The following VPS51 variants were observed in gnomAD, a reference collection of about 807,000 sequenced individuals.
VPS51 encodes vacuolar protein sorting-associated protein 51 homolog.
In VPS51, 55 loss-of-function variants were observed where a neutral mutation model predicts 65.1. The observed-to-expected ratio is 0.84, with a 90% CI of 0.68 to 1.06. The LOEUF is 1.06. Among genes scored for constraint, VPS51 ranks in the 50% least tolerant of loss-of-function variants. The pLI is 0.00. For missense variants in VPS51, 943 were observed against 1,101.6 expected, an observed-to-expected ratio of 0.86 and a Z score of 2.04; for synonymous variants, 473 against 489.5, an observed-to-expected ratio of 0.97 and a Z score of 0.44.
Position 65,097,029 on chromosome 11 carries a change from T to A in VPS51, c.260T>A (p.Met87Lys). ...LRRECPLAQL[M>K]DSETDMVRQI... ...AGAGAGTGCCCTCTGGCCCAGTTGA[T>A]GGACAGTGAGACGGACATGGTGCGG... The change falls in exon 2 of 10, where the codon ATG (methionine) becomes AAG (lysine). Residue 87 changes from methionine to lysine, a missense_variant. Transcript: ENST00000279281. 6.2e-7 allele frequency: 1 copy of A among 1,613,900 alleles called. No homozygotes were observed. Among genetic ancestry groups the A allele is most frequent in the Non-Finnish European group, 8.5e-7 (1 of 1,180,004 alleles).
At position 65,108,550 on chromosome 11, in the gene VPS51, A is replaced by G. The variant is rs1463996372; in HGVS notation, c.1079A>G (p.Gln360Arg). 2.5e-6 allele frequency: 4 copies of G among 1,571,354 alleles called. No individual in the cohort carries two copies. The highest frequency in any genetic ancestry group is 2.3e-5 in the South Asian group (2 of 87,868). ...ALVERRLAQE[Q>R]GGGDNSLLVR... ...GTGGAGCGGCGGCTGGCGCAGGAGC[A>G]GGGTGGTGGTGACAACTCACTGCTG... The change falls in exon 5 of 10, where the codon CAG becomes CGG. Residue 360 changes from glutamine to arginine, a missense_variant. Transcript: ENST00000279281.
Position 65,096,491 on chromosome 11 carries a change from G to T in VPS51, c.228+13G>T. On this transcript the variant is annotated intron_variant, in intron 1 of 9. Coordinates refer to ENST00000279281, the MANE Select transcript of VPS51 (RefSeq NM_013265.4). The stretch of plus-strand genomic sequence containing the variant: ...TTACCTAGACAAGGTGTGTGCGCAC[G>T]GGGAGTGGGGGGGTGCGGGGAGGGG... 1 of 1,420,870 alleles carries T rather than the reference G, an allele frequency of 7.0e-7. No individual in the cohort carries two copies. The highest frequency in any genetic ancestry group is 9.3e-7 in the Non-Finnish European group (1 of 1,074,208). 88.0% of individuals were successfully genotyped at this position (1,420,870 alleles called of 1,614,324 possible).
At position 65,108,699 on chromosome 11, in the gene VPS51, C is replaced by A. The variant is rs1315028908; in HGVS notation, c.1228C>A (p.His410Asn). Reference sequence around the variant, plus strand: ...AGTGGCCCGCGAGCGCCTGGGCCACCACCTGCAGGGTCTCCGGGCGGCCTT... The same window carrying A: ...AGTGGCCCGCGAGCGCCTGGGCCACAACCTGCAGGGTCTCCGGGCGGCCTT... Reference protein sequence around the residue: ...ERVARERLGHHLQGLRAAFLG... With the variant: ...ERVARERLGHNLQGLRAAFLG... The change falls in exon 5 of 10, where the codon CAC becomes AAC. Residue 410 changes from histidine to asparagine, a missense_variant. Transcript: ENST00000279281. 2.5e-6 allele frequency: 4 copies of A among 1,602,172 alleles called. No homozygotes were observed. The highest frequency in any genetic ancestry group is 3.4e-6 in the Non-Finnish European group (4 of 1,177,158).
In VPS51 at chr11:65,107,984, C is replaced by T. The variant is rs1389369529; in HGVS notation, c.687C>T (p.Ile229=). Residue 229 remains isoleucine (I), a synonymous_variant, in exon 4 of 10, where the codon ATC becomes ATT. Coordinates refer to ENST00000279281, the MANE Select transcript of VPS51 (RefSeq NM_013265.4). The surrounding 1 kb of genome is among the most constrained non-coding windows in gnomAD (Gnocchi z 4.0). ...FRAIQDDCQV[I]TARLAQQLRQ... The stretch of plus-strand genomic sequence containing the variant: ...CCATCCAGGACGACTGCCAGGTCAT[C>T]ACGGCCCGCCTGGCCCAGCAGCTGC... The T allele has an allele frequency of 6.4e-7, 1 of 1,557,322 alleles. No individual in the cohort carries two copies.
Position 65,107,612 on chromosome 11 carries a change from G to C in VPS51, c.390G>C (p.Arg130=), listed in dbSNP as rs1168099176. ...DTIRKMKNDF[R]KMEDEMDRLA... ...TCCGGAAGATGAAGAACGATTTCCG[G>C]AAGATGGAGGATGAGATGGACCGGC... The change falls in exon 3 of 10, where the codon CGG becomes CGC. Residue 130 remains arginine, a synonymous_variant. Coordinates refer to ENST00000279281, the MANE Select transcript of VPS51 (RefSeq NM_013265.4). The surrounding 1 kb of genome is among the most constrained non-coding windows in gnomAD (Gnocchi z 4.0). 6.3e-7 allele frequency: 1 copy of C among 1,599,740 alleles called. No homozygotes were observed. The highest frequency in any genetic ancestry group is 8.6e-7 in the Non-Finnish European group (1 of 1,168,374).
chr11:65,102,480 T>C (rs1035716275), intron 2 of VPS51, among the ~76,000 whole-genome samples: 2 of 152,222 alleles, frequency 1.3e-5, no homozygotes, highest in African/African-American at 4.8e-5. Context: ...TTGGGTTTTC[T>C]TTTACTCTAT....
At chr11:65,109,948 G>C (rs772159072) in intron 7 of VPS51, 25 bp downstream of exon 7, 1 of 1,565,912 alleles carries the variant, frequency 6.4e-7, no homozygotes, top group Non-Finnish European at 8.6e-7. Context: ...GGCCGGGGTA[G>C]CCCTGACGCA....
intron 2 of VPS51, among the ~76,000 whole-genome samples, chr11:65,104,307 G>A (rs923937303): frequency 1.3e-5 from 2 of 152,050 alleles, no homozygotes; most frequent in Admixed American, 6.6e-5. Context: ...AATACATCTC[G>A]TGACTCTAGC....
chr11:65,109,498 G>A lies in VPS51; in HGVS notation c.1659+3G>A. On this transcript the variant is annotated splice_donor_region_variant and intron_variant, in intron 6 of 9. Transcript: ENST00000279281. ...CTGATGAACAGTTTCTGGTGCAGGT[G>A]AAGCACTAGCTCCTAGCCGGGCAGG... is the stretch of plus-strand genomic sequence containing the variant. 1 of 1,604,888 alleles carries A rather than the reference G, an allele frequency of 6.2e-7. No individual in the cohort carries two copies. Among genetic ancestry groups the A allele is most frequent in the Non-Finnish European group, 8.5e-7 (1 of 1,179,904 alleles).
At chr11:65,106,591 A>T (rs1033225490) in intron 2 of VPS51, among the ~76,000 whole-genome samples, 3 of 152,070 alleles carry the variant, frequency 2.0e-5, no homozygotes, top group Non-Finnish European at 2.9e-5. Flanking sequence ...CTCTACTAAA[A>T]ATACAAAAAA....
At position 65,109,409 on chromosome 11, in the gene VPS51, C is replaced by T. The variant is rs745820576; in HGVS notation, c.1573C>T (p.Leu525=). Residue 525 remains leucine, a synonymous_variant, in exon 6 of 10, where the codon CTG becomes TTG. Transcript: ENST00000279281. The part of the protein sequence containing the change: ...KGGATPPALL[L]LLSRLCLDYE... The stretch of plus-strand genomic sequence containing the variant: ...GGGTGCCACACCACCTGCCCTGCTC[C>T]TGCTGCTCTCCCGCCTCTGCCTGGA... The T allele has an allele frequency of 6.2e-7, 1 of 1,611,262 alleles. No homozygotes were observed. The highest frequency in any genetic ancestry group is 8.5e-7 in the Non-Finnish European group (1 of 1,180,006).
Position 65,109,489 on chromosome 11 carries a change from G to C in VPS51, c.1653G>C (p.Leu551=). ...YILTLTDEQF[L]VQDQFPVTPV... is the part of the protein sequence containing the mutation. ...TCACTCTCACTGATGAACAGTTTCT[G>C]GTGCAGGTGAAGCACTAGCTCCTAG... The change falls in exon 6 of 10, where the codon CTG becomes CTC. Residue 551 remains leucine, a synonymous_variant. Transcript: ENST00000279281. 14 of 1,605,714 alleles carry C rather than the reference G, an allele frequency of 8.7e-6. No homozygotes were observed. The highest frequency in any genetic ancestry group is 1.2e-5 in the Non-Finnish European group (14 of 1,179,986).
Position 65,107,472 on chromosome 11 carries a change from C to A in VPS51, c.359-109C>A. On this transcript the variant is annotated intron_variant, in intron 2 of 9. Coordinates refer to ENST00000279281, the MANE Select transcript of VPS51 (RefSeq NM_013265.4). This position sits in a 1 kb window ranked among gnomAD's most constrained non-coding sequence, Gnocchi z 4.0. Reference sequence around the variant, plus strand: ...TCCTTTCTCTGGAATCATCCATGCGCCCCTGGAGCAAGCTGGGGCGTCTGT... The same window carrying A: ...TCCTTTCTCTGGAATCATCCATGCGACCCTGGAGCAAGCTGGGGCGTCTGT... 7.2e-7 allele frequency: 1 copy of A among 1,393,460 alleles called. No individual in the cohort carries two copies. The highest frequency in any genetic ancestry group is 1.4e-5 in the African/African-American group (1 of 69,266). 86.3% of individuals were successfully genotyped at this position (1,393,460 alleles called of 1,614,324 possible). A position where few individuals can be genotyped will look rare whatever the true frequency, so the allele number is the denominator to read the frequency against.
Position 65,096,239 on chromosome 11 carries a change from G to A in VPS51, c.-12G>A. On this transcript the variant is annotated 5_prime_UTR_variant, in exon 1 of 10. Coordinates refer to ENST00000279281, the MANE Select transcript of VPS51 (RefSeq NM_013265.4). ...CTTTCCAGCCTCACGCCCGTGGGCT[G>A]CAGTTGGAACGATGGCGGCGGCAGC... 6.5e-7 allele frequency: 1 copy of A among 1,528,350 alleles called. No homozygotes were observed. The highest frequency in any genetic ancestry group is 8.8e-7 in the Non-Finnish European group (1 of 1,140,538). The allele number at this position is 1,528,350 out of a possible 1,614,324, so 94.7% of individuals were successfully genotyped here.
chr11:65,110,395 G>GTAGC, intron 7 of VPS51, 87 bp from the exon 8 acceptor site: 1 of 1,601,104 alleles, frequency 6.2e-7, no homozygotes, highest in Non-Finnish European at 8.5e-7. Context: ...TGATGCTTGA[G>GTAGC]TAGCTGACTT....
chr11:65,109,571 C>A, intron 6 of VPS51, 76 bp downstream of exon 6: 1 of 1,554,742 alleles, frequency 6.4e-7, no homozygotes. Context: ...CCCTCATGGC[C>A]AGACCCCAGA....
Position 65,108,766 on chromosome 11 carries a change from C to T in VPS51, c.1295C>T (p.Pro432Leu). 7 of 1,612,432 alleles carry T rather than the reference C, an allele frequency of 4.3e-6. No individual in the cohort carries two copies. The highest frequency in any genetic ancestry group is 5.1e-6 in the Non-Finnish European group (6 of 1,179,906). The change falls in exon 5 of 10, where the codon CCT becomes CTT. Residue 432 changes from proline (P) to leucine (L), a missense_variant. By Grantham distance (98) the Pro-to-Leu change is moderately conservative. This residue lies in a region of VPS51 where 855 missense variants were observed against 953.7 expected (regional missense o/e 0.90). Coordinates refer to ENST00000279281, the MANE Select transcript of VPS51 (RefSeq NM_013265.4). The part of the protein sequence containing the change: ...LTDVRQALAA[P>L]RVAGKEGPGL... ...GACGTCCGCCAGGCGCTGGCAGCAC[C>T]TCGCGTGGCTGGGAAGGAGGGCCCT...
At position 65,108,383 on chromosome 11, in the gene VPS51, C is replaced by T. The variant is rs765742310; in HGVS notation, c.912C>T (p.Thr304=). 1.9e-6 allele frequency: 3 copies of T among 1,612,340 alleles called. No homozygotes were observed. The highest frequency in any genetic ancestry group is 1.3e-5 in the African/African-American group (1 of 75,040). The change falls in exon 5 of 10, where the codon ACC becomes ACT. Residue 304 remains threonine (T), a synonymous_variant. Transcript: ENST00000279281. Reference sequence around the variant, plus strand: ...CGGCTCCCGACGTGTTAGAGTTCACCGACCATGGAGGCAGTGGCTTCGTGG... The same window carrying T: ...CGGCTCCCGACGTGTTAGAGTTCACTGACCATGGAGGCAGTGGCTTCGTGG... ...SPPAPDVLEF[T]DHGGSGFVGG...
Position 65,111,309 on chromosome 11 carries a change from C to T in VPS51, c.2089-18C>T, listed in dbSNP as rs1479455827. ...CACCTGCAGTCCCCAAGCTGCATCC[C>T]TGTGTCCCTGCCTGCAGGTGTCGGT... On this transcript the variant is annotated intron_variant, in intron 9 of 9. Coordinates refer to ENST00000279281, the MANE Select transcript of VPS51 (RefSeq NM_013265.4). 1 of 1,600,500 alleles carries T rather than the reference C, an allele frequency of 6.2e-7. No homozygotes were observed. Among genetic ancestry groups the T allele is most frequent in the Non-Finnish European group, 8.5e-7 (1 of 1,179,732 alleles).
Sources: gnomAD v4.1 joint callset for allele counts (sites outside exome capture counted in the v4.1 genomes callset) on GRCh38, gnomAD v4.1.1 for gene constraint, gnomAD v4.1.1 regional missense constraint, Gnocchi (gnomAD v3.1) non-coding constraint, MANE v1.5 for transcripts, NCBI Gene and HGNC (gene_info 2026-07-23, HGNC 2026-07-21) for gene names.